Variants in AFTPH observed in about 807,000 individuals in gnomAD.
The protein encoded by AFTPH is aftiphilin.
A neutral mutation model predicts 72.5 loss-of-function variants in AFTPH; 7 were observed. The observed-to-expected ratio is 0.10, with a 90% CI of 0.05 to 0.18. The LOEUF (loss-of-function observed/expected upper bound fraction) is 0.18, where lower values mean the gene tolerates loss of function less well. AFTPH is among the 10% of genes least tolerant of loss of function. The pLI, the probability that AFTPH is intolerant of heterozygous loss-of-function variation, is 1.00. For synonymous variants in AFTPH, 337 were observed against 370.1 expected, an observed-to-expected ratio of 0.91 and a Z score of 1.03; for missense variants, 979 against 1,060.5, an observed-to-expected ratio of 0.92 and a Z score of 1.07.
chr2:64,547,924 A>G (rs758146882), intron 1 of AFTPH, among the ~76,000 whole-genome samples: 8 of 151,956 alleles, frequency 5.3e-5, no homozygotes, highest in Non-Finnish European at 1.2e-4. Flanking sequence ...TAGCTGGACT[A>G]CAGGTGCATG....
chr2:64,585,582 T>A, intron 8 of AFTPH, 37 bp downstream of exon 9: 1 of 1,567,526 alleles, frequency 6.4e-7, no homozygotes, highest in Non-Finnish European at 8.6e-7. Flanking sequence ...ACATTTTGAA[T>A]TCTGAGATAA....
chr2:64,538,272 T>A (rs949495769), intron 1 of AFTPH, among the ~76,000 whole-genome samples: 32 of 152,274 alleles, frequency 2.1e-4, no homozygotes, highest in African/African-American at 6.7e-4. Context: ...TGTTATATAT[T>A]TTTTTCTTTT....
intron 1 of AFTPH, among the ~76,000 whole-genome samples, chr2:64,550,677 G>GCACACACA (rs56139158): frequency 0.031 from 3,997 of 130,078 alleles, 130 homozygotes; most frequent in Non-Finnish European, 0.039. Flanking sequence ...CTGTACGCAT[G>GCACACACA]CACACACACA....
At chr2:64,541,809 TTCAC>T (rs1339383080) in intron 1 of AFTPH, among the ~76,000 whole-genome samples, 3 of 152,334 alleles carry the variant, frequency 2.0e-5, no homozygotes, top group Admixed American at 1.3e-4. Context: ...TGTTTTTTCC[TTCAC>T]TCACCCAAGT....
intron 2 of AFTPH, among the ~76,000 whole-genome samples, chr2:64,566,231 A>G (rs1038277699): frequency 6.6e-6 from 1 of 152,162 alleles, no homozygotes; most frequent in South Asian, 2.1e-4. Context: ...TCTTGAGGCT[A>G]CCCTTTACTT....
Position 64,551,966 on chromosome 2 carries a change from A to G in AFTPH, c.492A>G (p.Gln164=), listed in dbSNP as rs761654999. The G allele has an allele frequency of 3.7e-6, 6 of 1,613,626 alleles. No homozygotes were observed. In the East Asian group the frequency reaches 1.1e-4, roughly 30 times the overall value. ...GAACTAATATGAATGTTGTTCATCA[A>G]AACAAGCAGTTAGAGAGCTGCAATG... The change falls in exon 2 of 9, where the codon CAA becomes CAG. Residue 164 remains glutamine, a synonymous_variant. Coordinates refer to ENST00000238856, the Ensembl canonical transcript of AFTPH.
At chr2:64,548,683 G>A (rs1472587248) in intron 1 of AFTPH, among the ~76,000 whole-genome samples, 1 of 152,010 alleles carries the variant, frequency 6.6e-6, no homozygotes, top group African/African-American at 2.4e-5. Context: ...TAAATAATAG[G>A]AACTTCATAA....
exon 9 of AFTPH, chr2:64,591,937 G>T: frequency 1.2e-6 from 2 of 1,613,846 alleles, no homozygotes; most frequent in African/African-American, 2.7e-5. Context: ...CAAGGTGATC[G>T]CTGGCCTTCC....
intron 6 of AFTPH, among the ~76,000 whole-genome samples, chr2:64,574,244 A>G (rs1222049393): frequency 6.6e-6 from 1 of 152,222 alleles, no homozygotes; most frequent in Non-Finnish European, 1.5e-5. Flanking sequence ...AATTGTATCT[A>G]ACACAAAAAG....
chr2:64,554,929 A>G (rs987500862), intron 2 of AFTPH, among the ~76,000 whole-genome samples: 9 of 152,250 alleles, frequency 5.9e-5, no homozygotes, highest in Admixed American at 4.6e-4. Flanking sequence ...TGACCACTCA[A>G]GTAGGAATTT....
chr2:64,532,995 T>C (rs1669709218), intron 1 of AFTPH, among the ~76,000 whole-genome samples: 1 of 152,220 alleles, frequency 6.6e-6, no homozygotes. Flanking sequence ...GTAATGCTTA[T>C]TTGATTCTTT....
intron 1 of AFTPH, among the ~76,000 whole-genome samples, chr2:64,530,146 G>C (rs1455458890): frequency 6.6e-6 from 1 of 151,962 alleles, no homozygotes; most frequent in Non-Finnish European, 1.5e-5. Flanking sequence ...ACAGAGTGAG[G>C]CTCCGTCTCA....
intron 1 of AFTPH, among the ~76,000 whole-genome samples, chr2:64,524,854 G>A (rs1430156101): frequency 1.3e-5 from 2 of 152,234 alleles, no homozygotes; most frequent in Non-Finnish European, 2.9e-5. Flanking sequence ...GCCATCCCGG[G>A]CACCGGCCGG....
intron 7 of AFTPH, among the ~76,000 whole-genome samples, chr2:64,582,494 A>G (rs1673267752): frequency 6.6e-6 from 1 of 152,204 alleles, no homozygotes; most frequent in African/African-American, 2.4e-5. Flanking sequence ...CAAGCATATA[A>G]AAAACCAATC....
intron 1 of AFTPH, among the ~76,000 whole-genome samples, chr2:64,550,489 A>G (rs1175126306): frequency 6.6e-6 from 1 of 152,216 alleles, no homozygotes; most frequent in Admixed American, 6.5e-5. Flanking sequence ...TTCTATTTAT[A>G]TATAACATTC....
At chr2:64,565,433 C>G (rs1032459297) in intron 2 of AFTPH, among the ~76,000 whole-genome samples, 3 of 145,438 alleles carry the variant, frequency 2.1e-5, no homozygotes, top group African/African-American at 5.1e-5. Flanking sequence ...CGAGATTGCA[C>G]CACTAAACTC....
chr2:64,572,547 G>A (rs1386273792), intron 5 of AFTPH, among the ~76,000 whole-genome samples: 1 of 152,158 alleles, frequency 6.6e-6, no homozygotes, highest in Non-Finnish European at 1.5e-5. Context: ...CACCCATCCC[G>A]AGTTGGTGCT....
chr2:64,527,580 C>T (rs1241988670), intron 1 of AFTPH, among the ~76,000 whole-genome samples: 1 of 135,620 alleles, frequency 7.4e-6, no homozygotes, highest in Non-Finnish European at 1.6e-5. Flanking sequence ...AACATCATCT[C>T]AAAAAAAAAA....
intron 1 of AFTPH, among the ~76,000 whole-genome samples, chr2:64,524,851 C>A (rs1387144950): frequency 2.0e-5 from 3 of 152,254 alleles, no homozygotes; most frequent in Admixed American, 1.3e-4. Context: ...CTCGCCATCC[C>A]GGGCACCGGC....
Sources: allele counts gnomAD v4.1 joint callset (sites outside exome capture counted in the v4.1 genomes callset), GRCh38; gene constraint gnomAD v4.1.1; transcripts MANE v1.5; gene names NCBI Gene and HGNC (gene_info 2026-07-23, HGNC 2026-07-21).